Variants in ZNF385B observed in about 807,000 individuals in gnomAD.
ZNF385B encodes zinc finger protein 533.
In ZNF385B, 23 loss-of-function variants were observed where a neutral mutation model predicts 39.2. The ratio of observed to expected loss-of-function variants is 0.59; its 90% CI spans 0.42 to 0.83. The LOEUF is 0.83. Among genes scored for constraint, ZNF385B ranks in the 40% least tolerant of loss-of-function variants. ZNF385B has a pLI of 0.00. For missense variants in ZNF385B, 552 were observed against 598.9 expected (o/e 0.92, Z 0.82); for synonymous variants, 205 against 222.6 (o/e 0.92, Z 0.70).
chr2:179,712,581 G>A (rs967301558), intron 3 of ZNF385B, among the ~76,000 whole-genome samples: 2 of 152,072 alleles, frequency 1.3e-5, no homozygotes, highest in African/African-American at 4.8e-5. Context: ...CACCACTAGT[G>A]TAGTTTCATC....
chr2:179,648,343 C>T (rs1692917914), intron 3 of ZNF385B, among the ~76,000 whole-genome samples: 1 of 152,052 alleles, frequency 6.6e-6, no homozygotes, highest in African/African-American at 2.4e-5. Context: ...GAACCAGCTT[C>T]TCAATCTTGG....
chr2:179,756,624 C>T (rs187644398), intron 3 of ZNF385B, among the ~76,000 whole-genome samples: 52 of 152,322 alleles, frequency 3.4e-4, no homozygotes, highest in Middle Eastern at 3.4e-3. Flanking sequence ...ACCAATCAAA[C>T]GTAGATTTGG....
chr2:179,513,783 G>C (rs1419966686), intron 5 of ZNF385B, among the ~76,000 whole-genome samples: 1 of 152,176 alleles, frequency 6.6e-6, no homozygotes, highest in Non-Finnish European at 1.5e-5. Context: ...GATTAGCAAA[G>C]TGCTTATCAT....
At chr2:179,675,981 G>T (rs1389671065) in intron 3 of ZNF385B, among the ~76,000 whole-genome samples, 3 of 151,024 alleles carry the variant, frequency 2.0e-5, no homozygotes, top group Admixed American at 1.3e-4. Context: ...TAGAGACGGG[G>T]TTTCACCATG....
chr2:179,674,501 T>C (rs1515285), intron 3 of ZNF385B, among the ~76,000 whole-genome samples: 19,277 of 152,202 alleles, frequency 0.13, 1,861 homozygotes, highest in African/African-American at 0.26. Flanking sequence ...CTGATTTCTA[T>C]TGAATTATTT....
intron 3 of ZNF385B, among the ~76,000 whole-genome samples, chr2:179,657,607 A>G (rs535765327): frequency 2.0e-4 from 31 of 152,354 alleles, no homozygotes; most frequent in African/African-American, 7.2e-4. Context: ...TAATTCACTC[A>G]TCTTACTGGA....
At chr2:179,769,337 G>A (rs1406766782) in intron 3 of ZNF385B, among the ~76,000 whole-genome samples, 166 bp downstream of exon 3, 1 of 152,180 alleles carries the variant, frequency 6.6e-6, no homozygotes, top group African/African-American at 2.4e-5. Flanking sequence ...CAAATATTTC[G>A]AGAGGTGACA....
chr2:179,755,064 C>A (rs57390308), intron 3 of ZNF385B, among the ~76,000 whole-genome samples: 16,687 of 152,130 alleles, frequency 0.11, 1,552 homozygotes, highest in East Asian at 0.48. Context: ...CTCTTGTGGG[C>A]ATTTAGTGCT....
chr2:179,468,909 G>A (rs184943259), intron 6 of ZNF385B, among the ~76,000 whole-genome samples: 2 of 152,204 alleles, frequency 1.3e-5, no homozygotes, highest in African/African-American at 4.8e-5. Context: ...GGACATTCAG[G>A]GGTTGGACTG....
At chr2:179,754,603 T>C (rs1361725813) in intron 3 of ZNF385B, among the ~76,000 whole-genome samples, 3 of 152,230 alleles carry the variant, frequency 2.0e-5, no homozygotes, top group Admixed American at 1.3e-4. Flanking sequence ...TTGCCTCAAT[T>C]TCAGAGCCTG....
At chr2:179,732,027 T>C (rs947134474) in intron 3 of ZNF385B, among the ~76,000 whole-genome samples, 4 of 152,240 alleles carry the variant, frequency 2.6e-5, no homozygotes, top group African/African-American at 9.6e-5. Context: ...AGAAACTTTT[T>C]TGGATTAAGA....
chr2:179,554,888 A>G (rs2060804796), intron 3 of ZNF385B, among the ~76,000 whole-genome samples: 1 of 149,192 alleles, frequency 6.7e-6, no homozygotes. Context: ...AGCAACTAGA[A>G]CTCTATATTA....
intron 3 of ZNF385B, among the ~76,000 whole-genome samples, chr2:179,591,188 C>T (rs912827009): frequency 3.3e-5 from 5 of 151,588 alleles, no homozygotes; most frequent in African/African-American, 7.3e-5. Context: ...TATTTTTAAA[C>T]TTCTTTTAAT....
At position 179,860,122 on chromosome 2, in the gene ZNF385B, T is replaced by C. The variant is rs1684921394; in HGVS notation, c.-155+979A>G. On this transcript the variant is annotated intron_variant, in intron 1 of 9. Coordinates refer to ENST00000410066, the MANE Select transcript of ZNF385B (RefSeq NM_152520.6). ...TTTTGCTACTACATCTTGACAAAGT[T>C]TGCATTCCCCTTGGTGTGATATTCC... 1.3e-5 allele frequency among the ~76,000 whole-genome samples: 2 copies of C among 152,154 alleles called. 1 individual carries two copies. The highest frequency in any genetic ancestry group is 4.1e-4 in the South Asian group (2 of 4,830).
chr2:179,540,363 T>C (rs2059837994), intron 4 of ZNF385B, among the ~76,000 whole-genome samples: 1 of 152,090 alleles, frequency 6.6e-6, no homozygotes, highest in Non-Finnish European at 1.5e-5. Context: ...AGAGAATCGC[T>C]TGAACCCGGG....
At chr2:179,827,198 A>G (rs774357160) in intron 1 of ZNF385B, among the ~76,000 whole-genome samples, 3 of 152,192 alleles carry the variant, frequency 2.0e-5, no homozygotes, top group Admixed American at 6.5e-5. Context: ...TAGAGCAAAG[A>G]CTAGTTCGTG....
At chr2:179,746,837 A>G (rs553051006) in intron 3 of ZNF385B, among the ~76,000 whole-genome samples, 2 of 152,286 alleles carry the variant, frequency 1.3e-5, no homozygotes, top group African/African-American at 4.8e-5. Flanking sequence ...CATATACCCC[A>G]GAAAGCAGTA....
intron 3 of ZNF385B, among the ~76,000 whole-genome samples, chr2:179,753,073 C>T (rs1341349196): frequency 6.6e-6 from 1 of 152,144 alleles, no homozygotes; most frequent in African/African-American, 2.4e-5. Context: ...TTAGGTCTAA[C>T]ATTTAAGTCT....
intron 1 of ZNF385B, among the ~76,000 whole-genome samples, chr2:179,807,926 G>GAAAC (rs1706476671): frequency 6.7e-6 from 1 of 149,458 alleles, no homozygotes; most frequent in African/African-American, 2.5e-5. Context: ...AAGAAAGAAA[G>GAAAC]AAAGAAGGAA....
Sources: gnomAD v4.1 joint callset for allele counts (sites outside exome capture counted in the v4.1 genomes callset) on GRCh38, gnomAD v4.1.1 for gene constraint, MANE v1.5 for transcripts, NCBI Gene and HGNC (gene_info 2026-07-23, HGNC 2026-07-21) for gene names.